The following GPR158 variants were observed in gnomAD, a reference collection of about 807,000 sequenced individuals.
GPR158 encodes metabotropic glycine receptor.
GPR158 carries 30 observed loss-of-function variants against 78.2 expected under a neutral mutation model. That is an observed-to-expected ratio of 0.38 (90% CI 0.29 to 0.52). GPR158 has a LOEUF of 0.52. Ranked by LOEUF, GPR158 falls within the 20% of genes least tolerant of loss-of-function variation. The probability of loss-of-function intolerance (pLI) is 0.83; values close to 1 mark genes in which losing one functional copy is unlikely to be tolerated. For synonymous variants in GPR158, 581 were observed against 591.1 expected (o/e 0.98, Z 0.25); for missense variants, 1,463 against 1,523.5 (o/e 0.96, Z 0.66).
At chr10:25,582,826 GATTA>G (rs1837220753) in intron 7 of GPR158, among the ~76,000 whole-genome samples, 1 of 152,186 alleles carries the variant, frequency 6.6e-6, no homozygotes, top group South Asian at 2.1e-4. Context: ...TATGAAATCA[GATTA>G]ATTGAGGGGA....
intron 3 of GPR158, among the ~76,000 whole-genome samples, chr10:25,399,366 G>T (rs2038729002): frequency 6.6e-6 from 1 of 152,152 alleles, no homozygotes. Flanking sequence ...CCCAAACTCT[G>T]CCTCCTATCA....
chr10:25,194,494 G>A (rs1852818617), intron 1 of GPR158, among the ~76,000 whole-genome samples: 1 of 152,090 alleles, frequency 6.6e-6, no homozygotes. Context: ...AGCCAAGATC[G>A]CACCACAGCA....
At chr10:25,203,749 T>C (rs1464951342) in intron 1 of GPR158, among the ~76,000 whole-genome samples, 1 of 145,140 alleles carries the variant, frequency 6.9e-6, no homozygotes, top group Non-Finnish European at 1.5e-5. Flanking sequence ...CTCTTTTTTT[T>C]GGTTCCATAT....
At chr10:25,283,434 CT>C (rs1004256260) in intron 2 of GPR158, among the ~76,000 whole-genome samples, 1 of 151,890 alleles carries the variant, frequency 6.6e-6, no homozygotes, top group Non-Finnish European at 1.5e-5. Context: ...ATTGCAAATT[CT>C]TTTTTGTGAA....
intron 2 of GPR158, among the ~76,000 whole-genome samples, chr10:25,314,350 C>T (rs975922508): frequency 3.3e-5 from 5 of 152,208 alleles, no homozygotes; most frequent in African/African-American, 9.6e-5. Context: ...CTGCCCACCT[C>T]GGCCTCCCAA....
At chr10:25,529,780 T>A (rs1198636594) in intron 5 of GPR158, among the ~76,000 whole-genome samples, 1 of 152,182 alleles carries the variant, frequency 6.6e-6, no homozygotes, top group Non-Finnish European at 1.5e-5. Context: ...TCCTGGCCAC[T>A]GGGACCATGG....
intron 2 of GPR158, among the ~76,000 whole-genome samples, chr10:25,253,271 C>T (rs1196366701): frequency 3.9e-5 from 6 of 152,224 alleles, no homozygotes; most frequent in African/African-American, 1.4e-4. Flanking sequence ...AATCACCGGT[C>T]TTCTGCGTCG....
At chr10:25,212,326 C>T (rs546245340) in intron 1 of GPR158, among the ~76,000 whole-genome samples, 17 of 152,160 alleles carry the variant, frequency 1.1e-4, no homozygotes, top group East Asian at 3.9e-4. Context: ...ATGGGAGGAG[C>T]GAAGCGGGGT....
At chr10:25,212,976 T>G (rs1210514815) in intron 1 of GPR158, among the ~76,000 whole-genome samples, 1 of 152,190 alleles carries the variant, frequency 6.6e-6, no homozygotes, top group Non-Finnish European at 1.5e-5. Flanking sequence ...AGTTATAATT[T>G]TTTTTACTGG....
intron 4 of GPR158, among the ~76,000 whole-genome samples, chr10:25,422,850 A>ACCCCCCCCCCCCCCTTTCC (rs11424448): frequency 3.8e-5 from 5 of 130,266 alleles, no homozygotes; most frequent in Non-Finnish European, 6.5e-5. Flanking sequence ...TTATTCCCTT[A>ACCCCCCCCCCCCCCTTTCC]CCCCCCCCAC....
chr10:25,360,837 A>G (rs542287100), intron 2 of GPR158, among the ~76,000 whole-genome samples: 34 of 152,176 alleles, frequency 2.2e-4, no homozygotes, highest in Admixed American at 5.9e-4. Flanking sequence ...CATTGTATCT[A>G]TAAATTACTT....
At chr10:25,424,824 T>C (rs969999760) in intron 4 of GPR158, among the ~76,000 whole-genome samples, 14 of 152,222 alleles carry the variant, frequency 9.2e-5, no homozygotes, top group African/African-American at 3.4e-4. Context: ...GCATGATGCC[T>C]CCAGCTTTGT....
intron 2 of GPR158, among the ~76,000 whole-genome samples, chr10:25,266,443 T>A (rs1028923894): frequency 6.6e-6 from 1 of 152,132 alleles, no homozygotes; most frequent in Non-Finnish European, 1.5e-5. Context: ...AGAAGTAATG[T>A]AGTATATTTT....
At chr10:25,480,141 A>T (rs1266838889) in intron 5 of GPR158, among the ~76,000 whole-genome samples, 2 of 152,082 alleles carry the variant, frequency 1.3e-5, no homozygotes, top group Non-Finnish European at 2.9e-5. Flanking sequence ...CAGAAGGAAC[A>T]TGTTTTGTAT....
intron 5 of GPR158, among the ~76,000 whole-genome samples, chr10:25,520,704 A>AC (rs1476530851): frequency 2.6e-5 from 4 of 151,906 alleles, no homozygotes; most frequent in Non-Finnish European, 5.9e-5. Context: ...GGGGTCAGGG[A>AC]CCCGCTTGAG....
chr10:25,180,155 G>C (rs1852595930), intron 1 of GPR158, among the ~76,000 whole-genome samples: 1 of 152,176 alleles, frequency 6.6e-6, no homozygotes, highest in Non-Finnish European at 1.5e-5. Context: ...TCATTTTATA[G>C]TTGAGGAAGC....
intron 5 of GPR158, among the ~76,000 whole-genome samples, chr10:25,490,384 T>A (rs1193935600): frequency 6.8e-6 from 1 of 146,054 alleles, no homozygotes; most frequent in Non-Finnish European, 1.5e-5. Flanking sequence ...GCTGGTGCGC[T>A]GCACCCACTA....
At chr10:25,559,108 C>G (rs1836826818) in intron 6 of GPR158, among the ~76,000 whole-genome samples, 1 of 152,152 alleles carries the variant, frequency 6.6e-6, no homozygotes, top group Non-Finnish European at 1.5e-5. Flanking sequence ...GTTTTTGCCT[C>G]AGGTATTTTG....
intron 5 of GPR158, among the ~76,000 whole-genome samples, chr10:25,492,428 A>G (rs1013476273): frequency 6.6e-6 from 1 of 150,860 alleles, no homozygotes; most frequent in African/African-American, 2.5e-5. Context: ...TTTTTGTCAC[A>G]AGCTGCTTGG....
Sources: allele counts gnomAD v4.1 joint callset (sites outside exome capture counted in the v4.1 genomes callset), GRCh38; gene constraint gnomAD v4.1.1; transcripts MANE v1.5; gene names NCBI Gene and HGNC (gene_info 2026-07-23, HGNC 2026-07-21).